DPP6: variants seen among roughly 807,000 people sequenced by gnomAD.
DPP6 encodes the protein dipeptidyl peptidase like 6.
A neutral mutation model predicts 122.6 loss-of-function variants in DPP6; 69 were observed. The ratio of observed to expected loss-of-function variants is 0.56; its 90% CI spans 0.46 to 0.69. The LOEUF (loss-of-function observed/expected upper bound fraction) is 0.69. Among genes scored for constraint, DPP6 ranks in the 30% least tolerant of loss-of-function variants. The pLI, the probability that DPP6 is intolerant of heterozygous loss-of-function variation, is 0.00. For missense variants in DPP6, 928 were observed against 1,116.9 expected, an observed-to-expected ratio of 0.83 and a Z score of 2.41; for synonymous variants, 418 against 433.1, an observed-to-expected ratio of 0.97 and a Z score of 0.43.
chr7:154,586,788 T>A (rs1188973467), intron 5 of DPP6, among the ~76,000 whole-genome samples: 4 of 152,190 alleles, frequency 2.6e-5, no homozygotes, highest in African/African-American at 7.2e-5. Flanking sequence ...TGGTGATCTC[T>A]TCCATCCAGA....
At chr7:154,010,503 C>A (rs1798110454) in intron 1 of DPP6, among the ~76,000 whole-genome samples, 1 of 152,224 alleles carries the variant, frequency 6.6e-6, no homozygotes, top group South Asian at 2.1e-4. Flanking sequence ...CAAATGCTTT[C>A]TCATGAATTA....
chr7:154,091,768 C>T (rs546518864), intron 1 of DPP6, among the ~76,000 whole-genome samples: 1 of 152,070 alleles, frequency 6.6e-6, no homozygotes, highest in African/African-American at 2.4e-5. Context: ...GCTGACCCTC[C>T]CGATGTACCA....
chr7:153,956,332 C>T (rs1049467514), intron 1 of DPP6, among the ~76,000 whole-genome samples: 1 of 151,700 alleles, frequency 6.6e-6, no homozygotes, highest in African/African-American at 2.4e-5. Context: ...GGAGGATGGA[C>T]AGTAGTGCGG....
intron 8 of DPP6, among the ~76,000 whole-genome samples, chr7:154,768,738 G>A (rs1382043320): frequency 1.3e-5 from 2 of 152,192 alleles, no homozygotes; most frequent in Non-Finnish European, 2.9e-5. Flanking sequence ...GGTGTTTCTG[G>A]TTGAAGCCCA....
chr7:154,427,034 A>C (rs1005676879), intron 1 of DPP6, among the ~76,000 whole-genome samples: 1 of 152,126 alleles, frequency 6.6e-6, no homozygotes, highest in Admixed American at 6.5e-5. Context: ...TTAATCAGAA[A>C]TAATTTTGGT....
chr7:153,782,307 C>G, the DPP6 span, among the ~76,000 whole-genome samples: 1 of 152,026 alleles, frequency 6.6e-6, no homozygotes, highest in African/African-American at 2.4e-5. Context: ...CATCCTTCTG[C>G]TCTCTCTCCT....
chr7:154,523,606 C>T (rs1394612983), intron 3 of DPP6, among the ~76,000 whole-genome samples: 1 of 152,194 alleles, frequency 6.6e-6, no homozygotes, highest in Non-Finnish European at 1.5e-5. Context: ...AATTAAAAAT[C>T]ATAATTGTAC....
At position 154,763,115 on chromosome 7, in the gene DPP6, C is replaced by T. The variant is rs180689554; in HGVS notation, c.884-6302C>T. On this transcript the variant is annotated intron_variant, in intron 8 of 25. Transcript: ENST00000377770. ...GGGAGGCCCAGGCGGGTGGATCACC[C>T]GAGGTCAGGAGTTTGAGACCAGCCT... 6.2e-3 allele frequency among the ~76,000 whole-genome samples: 948 copies of T among 152,226 alleles called. 5 individuals carry two copies. The highest frequency in any genetic ancestry group is 0.011 in the Non-Finnish European group (720 of 67,998).
At chr7:154,761,114 T>C (rs369022048) in intron 8 of DPP6, among the ~76,000 whole-genome samples, 1 of 152,288 alleles carries the variant, frequency 6.6e-6, no homozygotes, top group East Asian at 1.9e-4. Context: ...AGATTATAGG[T>C]GTGAGCCACC....
chr7:154,537,249 C>A (rs950707640), intron 3 of DPP6, among the ~76,000 whole-genome samples: 1 of 151,832 alleles, frequency 6.6e-6, no homozygotes, highest in African/African-American at 2.4e-5. Context: ...AATAAATAAA[C>A]CAATGAATTT....
At chr7:153,930,189 T>A (rs1801108382) in intron 1 of DPP6, among the ~76,000 whole-genome samples, 1 of 152,226 alleles carries the variant, frequency 6.6e-6, no homozygotes, top group South Asian at 2.1e-4. Context: ...CAGCCTTGAA[T>A]CAAGACACAG....
At chr7:154,532,799 G>A (rs1827949393) in intron 3 of DPP6, among the ~76,000 whole-genome samples, 1 of 151,526 alleles carries the variant, frequency 6.6e-6, no homozygotes, top group Non-Finnish European at 1.5e-5. Flanking sequence ...ATACTGATGG[G>A]GTTCAGGATA....
In DPP6 at chr7:154,527,990, G is replaced by GA. The variant is rs368811292; in HGVS notation, c.458-12532dup. Reference sequence around the variant, plus strand: ...TAATTTGTTATTGTTATATCAGTTTGAAAAAAAAAACAAAAAAGGAATCAT... The same window carrying GA: ...TAATTTGTTATTGTTATATCAGTTTGAAAAAAAAAAACAAAAAAGGAATCAT... On this transcript the variant is annotated intron_variant, in intron 3 of 25. Transcript: ENST00000377770. Among the ~76,000 whole-genome samples the GA allele has an allele frequency of 1.8e-3, 253 of 143,086 alleles. 1 individual carries two copies. Among genetic ancestry groups the GA allele is most frequent in the Non-Finnish European group, 2.1e-3 (135 of 65,522 alleles). 93.9% of individuals were successfully genotyped at this position (143,086 alleles called of 152,430 possible).
intron 1 of DPP6, among the ~76,000 whole-genome samples, chr7:154,034,075 A>G (rs1404293392): frequency 6.6e-6 from 1 of 152,222 alleles, no homozygotes; most frequent in Non-Finnish European, 1.5e-5. Context: ...AATAGTGTTC[A>G]CAGCTGTATC....
At chr7:153,764,986 C>G in the DPP6 span, among the ~76,000 whole-genome samples, 8 of 152,118 alleles carry the variant, frequency 5.3e-5, no homozygotes. Context: ...CTCTGTGACA[C>G]CTTCTCCTTT....
the DPP6 span, among the ~76,000 whole-genome samples, chr7:153,813,016 A>T: frequency 3.3e-5 from 5 of 151,710 alleles, no homozygotes; most frequent in African/African-American, 4.8e-5. Flanking sequence ...TGGTGAGGAA[A>T]TTTTTTTTTA....
chr7:154,842,504 A>T (rs1228100479), intron 16 of DPP6, among the ~76,000 whole-genome samples: 1 of 152,224 alleles, frequency 6.6e-6, no homozygotes, highest in East Asian at 1.9e-4. Context: ...TGGGGCTGCA[A>T]ACCAGAGACA....
At chr7:154,697,106 C>T (rs1840261534) in intron 7 of DPP6, among the ~76,000 whole-genome samples, 1 of 152,110 alleles carries the variant, frequency 6.6e-6, no homozygotes, top group Admixed American at 6.5e-5. Flanking sequence ...GATGGAGAAC[C>T]AAGGGTTTTC....
At chr7:154,819,810 C>T (rs1448024427) in intron 16 of DPP6, among the ~76,000 whole-genome samples, 2 of 152,198 alleles carry the variant, frequency 1.3e-5, no homozygotes, top group Admixed American at 1.3e-4. Flanking sequence ...GAAAGCCAGA[C>T]ACAAGGGAAT....
Sources: allele counts gnomAD v4.1 joint callset (sites outside exome capture counted in the v4.1 genomes callset), GRCh38; gene constraint gnomAD v4.1.1; transcripts MANE v1.5; gene names NCBI Gene and HGNC (gene_info 2026-07-23, HGNC 2026-07-21).